Variants in BFAR observed in about 807,000 individuals in gnomAD.
The protein encoded by BFAR is RING finger protein 47.
In BFAR, 52 loss-of-function variants were observed where a neutral mutation model predicts 54.4. The observed-to-expected ratio is 0.96, with a 90% CI of 0.77 to 1.21. BFAR has a LOEUF of 1.21. BFAR is among the 50% of genes most tolerant of loss of function. The pLI is 0.00. For synonymous variants in BFAR, 215 were observed against 204.3 expected (o/e 1.05, Z -0.45); for missense variants, 571 against 534.0 (o/e 1.07, Z -0.68).
chr16:14,649,787 C>CT lies in BFAR; in HGVS notation c.469-16dup. 1.3e-6 allele frequency: 2 copies of CT among 1,580,410 alleles called. No homozygotes were observed. The highest frequency in any genetic ancestry group is 2.3e-5 in the South Asian group (2 of 86,682). On this transcript the variant is annotated splice_polypyrimidine_tract_variant and intron_variant, in intron 3 of 7. Transcript: ENST00000261658. The stretch of plus-strand genomic sequence containing the variant: ...TCTGCCTCTCCATGGTTTAAAGTCC[C>CT]TGTCACTTTTCCCCAGGTGGTCCTG...
chr16:14,649,169 G>A (rs191392359), intron 3 of BFAR, among the ~76,000 whole-genome samples: 1 of 143,226 alleles, frequency 7.0e-6, no homozygotes, highest in East Asian at 2.2e-4. Flanking sequence ...TCCACCTCCC[G>A]AGTTCAAGTG....
chr16:14,633,108 T>C (rs1231165831), intron 1 of BFAR, 90 bp downstream of exon 1: 1 of 152,284 alleles, frequency 6.6e-6, no homozygotes, highest in African/African-American at 2.4e-5. Flanking sequence ...GAATCCCTTC[T>C]GCGGAGCCTC....
chr16:14,641,645 C>T (rs568661108), intron 1 of BFAR, among the ~76,000 whole-genome samples: 11 of 152,074 alleles, frequency 7.2e-5, no homozygotes, highest in East Asian at 3.9e-4. Flanking sequence ...GCAGATTGCC[C>T]GAGGTCAGGA....
intron 7 of BFAR, among the ~76,000 whole-genome samples, chr16:14,665,538 G>C (rs1960418732): frequency 6.6e-6 from 1 of 152,168 alleles, no homozygotes; most frequent in African/African-American, 2.4e-5. Context: ...TTGGATGGTA[G>C]CGAGACAAGA....
intron 2 of BFAR, among the ~76,000 whole-genome samples, chr16:14,646,272 C>G (rs1250975448): frequency 6.6e-6 from 1 of 152,144 alleles, no homozygotes; most frequent in East Asian, 1.9e-4. Context: ...AGGCTAGTCT[C>G]AAACTCCTTA....
chr16:14,637,930 T>A (rs569681165), intron 1 of BFAR, among the ~76,000 whole-genome samples: 20 of 152,292 alleles, frequency 1.3e-4, no homozygotes, highest in Non-Finnish European at 4.4e-5. Context: ...CTTTGATTTT[T>A]TTTTTCAGTT....
chr16:14,648,882 A>G (rs1959882753), intron 3 of BFAR, among the ~76,000 whole-genome samples: 1 of 151,658 alleles, frequency 6.6e-6, no homozygotes, highest in Non-Finnish European at 1.5e-5. Flanking sequence ...TGTTTTTGAG[A>G]CGGACTCTTG....
intron 4 of BFAR, among the ~76,000 whole-genome samples, chr16:14,654,215 G>T (rs1361589785): frequency 6.6e-6 from 1 of 151,738 alleles, no homozygotes; most frequent in East Asian, 1.9e-4. Context: ...GTTTCACCGT[G>T]TTAGCCAGGA....
At chr16:14,658,291 G>A (rs908229452) in intron 5 of BFAR, among the ~76,000 whole-genome samples, 1 of 152,078 alleles carries the variant, frequency 6.6e-6, no homozygotes, top group Admixed American at 6.6e-5. Flanking sequence ...GCACAGGAAG[G>A]GTGGTCACCC....
chr16:14,649,188 G>A (rs1959894797), intron 3 of BFAR, among the ~76,000 whole-genome samples: 1 of 147,402 alleles, frequency 6.8e-6, no homozygotes. Context: ...TGATTCTTCT[G>A]CCTCAGCTTC....
At chr16:14,656,195 C>T (rs1960124157) in intron 5 of BFAR, among the ~76,000 whole-genome samples, 1 of 151,838 alleles carries the variant, frequency 6.6e-6, no homozygotes, top group African/African-American at 2.4e-5. Context: ...GAGCAAGACT[C>T]CGTCCCAAAA....
intron 3 of BFAR, 131 bp downstream of exon 3, chr16:14,648,723 A>G (rs1959878508): frequency 4.4e-6 from 3 of 684,466 alleles, no homozygotes; most frequent in South Asian, 3.7e-5. Flanking sequence ...TACTACGTAC[A>G]TTGAAATCTG....
At chr16:14,644,178 AAATT>A in intron 1 of BFAR, 92 bp from the exon 2 acceptor site, 1 of 737,270 alleles carries the variant, frequency 1.4e-6, no homozygotes, top group Non-Finnish European at 2.2e-6. Context: ...AAAAAAAAAA[AAATT>A]AGCGCTTCAA....
chr16:14,648,069 A>G (rs1381058869), intron 2 of BFAR, among the ~76,000 whole-genome samples: 1 of 152,042 alleles, frequency 6.6e-6, no homozygotes, highest in Non-Finnish European at 1.5e-5. Flanking sequence ...GTGAAACCCT[A>G]TCTCTACTAA....
At position 14,668,068 on chromosome 16, in the gene BFAR, C is replaced by T. The variant is rs775767214; in HGVS notation, c.*241C>T. 3.8e-6 allele frequency: 2 copies of T among 529,110 alleles called. No homozygotes were observed. The highest frequency in any genetic ancestry group is 3.2e-5 in the Admixed American group (1 of 31,254). The allele number at this position is 529,110 out of a possible 1,614,324, so 32.8% of individuals were successfully genotyped here. A position where few individuals can be genotyped will look rare whatever the true frequency, so the allele number is the denominator to read the frequency against. On this transcript the variant is annotated 3_prime_UTR_variant, in exon 8 of 8. Transcript: ENST00000261658. ...GCTGACACAGCAGCAGCCCTTCCCA[C>T]CCAGCCACCTTCCTCACAGGGACTA... is the stretch of plus-strand genomic sequence containing the variant.
At chr16:14,657,659 C>T (rs910549622) in intron 5 of BFAR, among the ~76,000 whole-genome samples, 9 of 152,132 alleles carry the variant, frequency 5.9e-5, no homozygotes, top group Non-Finnish European at 8.8e-5. Context: ...TCTCATATCT[C>T]ACCCTCCAGA....
chr16:14,652,235 G>A (rs992067441), intron 4 of BFAR, among the ~76,000 whole-genome samples: 1 of 151,688 alleles, frequency 6.6e-6, no homozygotes, highest in Admixed American at 6.6e-5. Context: ...GCTATGAGCC[G>A]GGAACTATGG....
At chr16:14,634,492 C>T (rs1959371384) in intron 1 of BFAR, among the ~76,000 whole-genome samples, 1 of 152,174 alleles carries the variant, frequency 6.6e-6, no homozygotes, top group Non-Finnish European at 1.5e-5. Context: ...CGATCAGCCC[C>T]ACACAGCAAA....
At chr16:14,666,451 A>T (rs905625554) in intron 7 of BFAR, among the ~76,000 whole-genome samples, 3 of 152,080 alleles carry the variant, frequency 2.0e-5, no homozygotes, top group African/African-American at 7.2e-5. Context: ...GGTGCCTGTA[A>T]TCCCAGCTAC....
Sources: allele counts gnomAD v4.1 joint callset (sites outside exome capture counted in the v4.1 genomes callset), GRCh38; gene constraint gnomAD v4.1.1; transcripts MANE v1.5; gene names NCBI Gene and HGNC (gene_info 2026-07-23, HGNC 2026-07-21).